The following CALML6 variants were observed in gnomAD, a reference collection of about 807,000 sequenced individuals.
CALML6 encodes the protein calmodulin like 6.
In CALML6, 27 loss-of-function variants were observed where a neutral mutation model predicts 25.0. The observed-to-expected ratio is 1.08, with a 90% confidence interval of 0.80 to 1.49. The LOEUF (loss-of-function observed/expected upper bound fraction) is 1.49, where lower values mean the gene tolerates loss of function less well. CALML6 is among the 40% of genes most tolerant of loss of function. The pLI, the probability that CALML6 is intolerant of heterozygous loss-of-function variation, is 0.00. For missense variants in CALML6, 239 were observed against 232.7 expected, an observed-to-expected ratio of 1.03 and a Z score of -0.18; for synonymous variants, 97 against 87.2, an observed-to-expected ratio of 1.11 and a Z score of -0.63.
At chr1:1,915,639 C>T in intron 1 of CALML6, 46 bp from the exon 2 acceptor site, 1 of 1,605,106 alleles carries the variant, frequency 6.2e-7, no homozygotes, top group Non-Finnish European at 8.5e-7. Flanking sequence ...CAGCCAGGCC[C>T]AGCTAAAACT....
intron 1 of CALML6, 138 bp from the exon 2 acceptor site, chr1:1,915,547 C>T: frequency 2.4e-6 from 3 of 1,231,952 alleles, no homozygotes; most frequent in Admixed American, 4.2e-5. Flanking sequence ...GTGGATAAGG[C>T]CGAGAGCCTG....
At position 1,916,510 on chromosome 1, in the gene CALML6, A is replaced by T; in HGVS notation, c.148A>T (p.Asn50Tyr). Residue 50 changes from asparagine to tyrosine, a missense_variant, in exon 3 of 6, where the codon AAC (asparagine) becomes TAC (tyrosine). Physicochemically the swap from Asn to Tyr is moderately radical, Grantham distance 143 (BLOSUM62 -2). Transcript: ENST00000307786. ...GVFEMFDEEG[N>Y]GEVKTGELEW... ...CTTTGAGATGTTCGACGAAGAGGGC[A>T]ACGGGGAGGTGAAGACGGGGGAGCT... 1 of 1,603,862 alleles carries T rather than the reference A, an allele frequency of 6.2e-7. No homozygotes were observed. Among genetic ancestry groups the T allele is most frequent in the Non-Finnish European group, 8.5e-7 (1 of 1,175,388 alleles).
In CALML6 at chr1:1,916,469, A is replaced by G. The variant is rs1473132522; in HGVS notation, c.107A>G (p.Lys36Arg). Residue 36 changes from lysine (K) to arginine (R), a missense_variant, in exon 3 of 6, where the codon AAG becomes AGG. Lys to Arg is a conservative substitution (Grantham distance 26). Coordinates refer to ENST00000307786, the MANE Select transcript of CALML6 (RefSeq NM_138705.4). Reference sequence around the variant, plus strand: ...GAGCGCCTGTCGGCTGAGCAGATCAAGGAGTACAAGGGAGTCTTTGAGATG... The same window carrying G: ...GAGCGCCTGTCGGCTGAGCAGATCAGGGAGTACAAGGGAGTCTTTGAGATG... ...MTERLSAEQIKEYKGVFEMFD... is the reference protein window; with the variant it reads ...MTERLSAEQIREYKGVFEMFD... The G allele has an allele frequency of 6.4e-7, 1 of 1,556,648 alleles. No homozygotes were observed. Among genetic ancestry groups the G allele is most frequent in the Non-Finnish European group, 8.7e-7 (1 of 1,150,624 alleles).
At chr1:1,915,378 A>C in intron 1 of CALML6, 71 bp downstream of exon 1, 6 of 1,546,132 alleles carry the variant, frequency 3.9e-6, no homozygotes, top group Non-Finnish European at 3.5e-6. Flanking sequence ...GGGAAGGTAG[A>C]CTTGGAGCTT....
At position 1,916,513 on chromosome 1, in the gene CALML6, G is replaced by A. The variant is rs140177117; in HGVS notation, c.151G>A (p.Gly51Arg). ...TGAGATGTTCGACGAAGAGGGCAAC[G>A]GGGAGGTGAAGACGGGGGAGCTGGA... is the stretch of plus-strand genomic sequence containing the variant. Reference protein sequence around the residue: ...VFEMFDEEGNGEVKTGELEWL... With the variant: ...VFEMFDEEGNREVKTGELEWL... Residue 51 changes from glycine (G) to arginine (R), a missense_variant, in exon 3 of 6, where the codon GGG becomes AGG. This residue lies in a region of CALML6 where 231 missense variants were observed against 210.9 expected (regional missense o/e 1.10). Coordinates refer to ENST00000307786, the MANE Select transcript of CALML6 (RefSeq NM_138705.4). 8.7e-4 allele frequency: 1,400 copies of A among 1,605,940 alleles called. 10 individuals are homozygous for A. Among genetic ancestry groups the A allele is most frequent in the South Asian group, 8.5e-3 (769 of 90,128 alleles).
At chr1:1,916,222 G>T in intron 2 of CALML6, 1 of 500,364 alleles carries the variant, frequency 2.0e-6, no homozygotes, top group African/African-American at 1.9e-5. Flanking sequence ...TCTGGCCCTT[G>T]CCCCTGTTAG....
chr1:1,916,916 C>CGGGGGGGG lies in CALML6; in HGVS notation c.398+23_398+24insGGGGGGGG. 2.9e-6 allele frequency: 1 copy of CGGGGGGGG among 349,036 alleles called. No homozygotes were observed. Among genetic ancestry groups the CGGGGGGGG allele is most frequent in the Non-Finnish European group, 4.5e-6 (1 of 222,174 alleles). The allele number at this position is 349,036 out of a possible 1,614,324, so 21.6% of individuals were successfully genotyped here. A position where few individuals can be genotyped will look rare whatever the true frequency, so the allele number is the denominator to read the frequency against. ...ACTCAAGTAGGGCCCGGGTTGGGGG[C>CGGGGGGGG]GGGTGGTGGGCGGGCACGGGCAGGG... is the stretch of plus-strand genomic sequence containing the variant. On this transcript the variant is annotated intron_variant, in intron 4 of 5. Coordinates refer to ENST00000307786, the MANE Select transcript of CALML6 (RefSeq NM_138705.4).
At position 1,915,741 on chromosome 1, in the gene CALML6, G is replaced by C; in HGVS notation, c.78+6G>C. ...GTCAGACAACCACCGACATGGTAAGGCTGCTCTCTGTGCCCGATGGAGTCT... is the reference window on the plus strand; with the variant it reads ...GTCAGACAACCACCGACATGGTAAGCCTGCTCTCTGTGCCCGATGGAGTCT... On this transcript the variant is annotated splice_donor_region_variant and intron_variant, in intron 2 of 5. Transcript: ENST00000307786. 1.2e-6 allele frequency: 2 copies of C among 1,613,308 alleles called. No homozygotes were observed. The highest frequency in any genetic ancestry group is 1.7e-6 in the Non-Finnish European group (2 of 1,179,910).
intron 2 of CALML6, 196 bp from the exon 3 acceptor site, chr1:1,916,245 G>A (rs1651104908): frequency 3.8e-6 from 2 of 528,544 alleles, no homozygotes; most frequent in African/African-American, 3.8e-5. Flanking sequence ...GCCTGGCAGA[G>A]CCCTGCTGGC....
At position 1,917,086 on chromosome 1, in the gene CALML6, G is replaced by A. The variant is rs1038964317; in HGVS notation, c.499+12G>A. 5 of 1,609,140 alleles carry A rather than the reference G, an allele frequency of 3.1e-6. No homozygotes were observed. The Admixed American group carries it at 5.1e-5, about 16-fold the overall frequency. On this transcript the variant is annotated intron_variant, in intron 5 of 5. Coordinates refer to ENST00000307786, the MANE Select transcript of CALML6 (RefSeq NM_138705.4). The stretch of plus-strand genomic sequence containing the variant: ...CATCGACTATGAGGGTGAGTGGCCT[G>A]GAGCCCTGGGAGCCGTTGGCTGGGC...
chr1:1,916,663 G>T (rs1457472383), intron 3 of CALML6, 48 bp downstream of exon 3: 1 of 1,605,104 alleles, frequency 6.2e-7, no homozygotes. Flanking sequence ...GGGGCCCTGG[G>T]TCAGGTGTCA....
chr1:1,916,432 C>T lies in CALML6; in HGVS notation c.79-9C>T, dbSNP rs1286272504. 3 of 1,515,018 alleles carry T rather than the reference C, an allele frequency of 2.0e-6. No homozygotes were observed. The highest frequency in any genetic ancestry group is 1.7e-4 in the Middle Eastern group (1 of 5,818). The allele number at this position is 1,515,018 out of a possible 1,614,324, so 93.8% of individuals were successfully genotyped here. On this transcript the variant is annotated splice_polypyrimidine_tract_variant and intron_variant, in intron 2 of 5. Transcript: ENST00000307786. Reference sequence around the variant, plus strand: ...CTCCTGGTCAGGCCGGTGCGGGTGTCCCCTGCAGACAGAGCGCCTGTCGGC... The same window carrying T: ...CTCCTGGTCAGGCCGGTGCGGGTGTTCCCTGCAGACAGAGCGCCTGTCGGC...
At chr1:1,916,376 G>T in intron 2 of CALML6, 65 bp from the exon 3 acceptor site, 2 of 1,420,810 alleles carry the variant, frequency 1.4e-6, no homozygotes, top group South Asian at 2.9e-5. Context: ...GGGTACCTCT[G>T]ACCCTTCCCT....
chr1:1,916,874 T>C lies in CALML6; in HGVS notation c.376T>C (p.Tyr126His). 6.9e-7 allele frequency: 1 copy of C among 1,453,888 alleles called. No individual in the cohort carries two copies. The allele number at this position is 1,453,888 out of a possible 1,614,324, so 90.1% of individuals were successfully genotyped here. Residue 126 changes from tyrosine (Y) to histidine (H), a missense_variant, in exon 4 of 6, where the codon TAC becomes CAC. Around this residue, in one of 2 missense-constraint regions of CALML6, gnomAD observed 231 missense variants for 210.9 expected, o/e 1.10. Coordinates refer to ENST00000307786, the MANE Select transcript of CALML6 (RefSeq NM_138705.4). ...FRVFDKEGKG[Y>H]IDWNTLKYVL... ...TGTCTTTGACAAAGAGGGCAAGGGC[T>C]ACATTGACTGGAACACACTCAAGTA...
At position 1,916,267 on chromosome 1, in the gene CALML6, C is replaced by T. The variant is rs1651105469; in HGVS notation, c.79-174C>T. 3.9e-5 allele frequency: 23 copies of T among 592,532 alleles called. 1 individual carries two copies. The South Asian group carries it at 5.9e-4, about 15-fold the overall frequency. 36.7% of individuals were successfully genotyped at this position (592,532 alleles called of 1,614,324 possible). A position where few individuals can be genotyped will look rare whatever the true frequency, so the allele number is the denominator to read the frequency against. On this transcript the variant is annotated intron_variant, in intron 2 of 5. Coordinates refer to ENST00000307786, the MANE Select transcript of CALML6 (RefSeq NM_138705.4). ...AGAGCCCTGCTGGCCCTGCAAACCC[C>T]TGGCGTGTGACCCCTTGTCCTGGAA...
rs41315318 is a variant in CALML6, at chr1:1,916,365, G to T, written c.79-76G>T. The T allele has an allele frequency of 2.3e-3, 3,122 of 1,341,882 alleles. 55 individuals carry two copies. In the African/African-American group the frequency reaches 0.039, roughly 17 times the overall value. The allele number at this position is 1,341,882 out of a possible 1,614,324, so 83.1% of individuals were successfully genotyped here. On this transcript the variant is annotated intron_variant, in intron 2 of 5. Coordinates refer to ENST00000307786, the MANE Select transcript of CALML6 (RefSeq NM_138705.4). ...GCTGCCAATGGAGGAATGGGTGCAG[G>T]GGGTACCTCTGACCCTTCCCTGGAC...
intron 1 of CALML6, 173 bp from the exon 2 acceptor site, chr1:1,915,512 C>A: frequency 7.9e-7 from 1 of 1,268,912 alleles, no homozygotes; most frequent in Non-Finnish European, 1.1e-6. Context: ...GAAGCCCAGG[C>A]CAAAGCGGGC....
At chr1:1,916,163 G>T in intron 2 of CALML6, 1 of 431,602 alleles carries the variant, frequency 2.3e-6, no homozygotes, top group South Asian at 3.9e-5. Flanking sequence ...TGCCTGGCCC[G>T]CCTGGCCCTG....
intron 2 of CALML6, 93 bp from the exon 3 acceptor site, chr1:1,916,348 T>G: frequency 5.1e-6 from 6 of 1,167,902 alleles, no homozygotes; most frequent in Non-Finnish European, 5.9e-6. Context: ...AGGCTGCCAA[T>G]GGAGGAATGG....
Sources: allele counts gnomAD v4.1 joint callset, GRCh38; gene constraint gnomAD v4.1.1; regional missense constraint gnomAD v4.1.1; transcripts MANE v1.5; gene names NCBI Gene and HGNC (gene_info 2026-07-23, HGNC 2026-07-21).